The following SEMA3E variants were observed in gnomAD, a reference collection of about 807,000 sequenced individuals.
SEMA3E encodes the protein semaphorin 3E.
Under a neutral mutation model 93.6 loss-of-function variants are expected in SEMA3E, and 49 were observed. That is an observed-to-expected ratio of 0.52 (90% CI 0.42 to 0.66). The LOEUF (loss-of-function observed/expected upper bound fraction) is 0.66. SEMA3E is among the 30% of genes least tolerant of loss of function. The pLI, the probability that SEMA3E is intolerant of heterozygous loss-of-function variation, is 0.00. For synonymous variants in SEMA3E, 363 were observed against 330.7 expected, an observed-to-expected ratio of 1.10 and a Z score of -1.06; for missense variants, 906 against 964.8, an observed-to-expected ratio of 0.94 and a Z score of 0.81.
intron 1 of SEMA3E, chr7:83,612,707 G>T (rs1346535495): frequency 6.6e-6 from 1 of 152,018 alleles, no homozygotes; most frequent in Non-Finnish European, 1.5e-5. Flanking sequence ...TGTCACTAGG[G>T]GTGGGTAAAA....
chr7:83,473,202 C>T (rs1789940048), intron 2 of SEMA3E, among the ~76,000 whole-genome samples: 1 of 152,200 alleles, frequency 6.6e-6, no homozygotes, highest in African/African-American at 2.4e-5. Context: ...GCATGGGCCT[C>T]TCAAGATATC....
intron 1 of SEMA3E, among the ~76,000 whole-genome samples, chr7:83,521,380 T>C (rs1473593092): frequency 2.6e-5 from 4 of 152,092 alleles, no homozygotes; most frequent in Non-Finnish European, 4.4e-5. Context: ...AAATTACATA[T>C]AGGATGGCTC....
chr7:83,432,034 G>A (rs541052260), intron 4 of SEMA3E, among the ~76,000 whole-genome samples: 1 of 151,334 alleles, frequency 6.6e-6, no homozygotes, highest in South Asian at 2.1e-4. Flanking sequence ...GCCATGTGTA[G>A]GTTTTCTAAT....
rs943493232 is a variant in SEMA3E at position 83,421,176 on chromosome 7, ATATT to A, written c.457-2697_457-2694del. ...CAAAATGTACTCTCAATAATTTGGA[ATATT>A]TATTTTCAATTTTATTCTTCATCAC... is the stretch of plus-strand genomic sequence containing the variant. On this transcript the variant is annotated intron_variant, in intron 4 of 16. Coordinates refer to ENST00000643230, the MANE Select transcript of SEMA3E (RefSeq NM_012431.3). 4.9e-5 allele frequency among the ~76,000 whole-genome samples: 7 copies of A among 142,538 alleles called. 1 individual carries two copies. Among genetic ancestry groups the A allele is most frequent in the Non-Finnish European group, 1.1e-4 (7 of 62,710 alleles). 93.5% of individuals were successfully genotyped at this position (142,538 alleles called of 152,430 possible).
In SEMA3E at chr7:83,368,185, A is replaced by T. The variant is rs945616455; in HGVS notation, c.1876-147T>A. ...AATCATACATACACAAAAATGCTAAATAATTACATCTCTCTCTCTCTCTCT... is the reference window on the plus strand; with the variant it reads ...AATCATACATACACAAAAATGCTAATTAATTACATCTCTCTCTCTCTCTCT... On this transcript the variant is annotated intron_variant, in intron 16 of 16. Transcript: ENST00000643230. 8 of 676,268 alleles carry T rather than the reference A, an allele frequency of 1.2e-5. No homozygotes were observed. The African/African-American group carries it at 1.6e-4, about 14-fold the overall frequency. 41.9% of individuals were successfully genotyped at this position (676,268 alleles called of 1,614,324 possible). A position where few individuals can be genotyped will look rare whatever the true frequency, so the allele number is the denominator to read the frequency against.
At chr7:83,419,464 G>A (rs1788629734) in intron 4 of SEMA3E, among the ~76,000 whole-genome samples, 1 of 152,024 alleles carries the variant, frequency 6.6e-6, no homozygotes, top group African/African-American at 2.4e-5. Flanking sequence ...GGGATTGCAG[G>A]GTCAAATGGT....
intron 1 of SEMA3E, among the ~76,000 whole-genome samples, chr7:83,616,253 T>G (rs916093892): frequency 1.3e-5 from 2 of 152,174 alleles, no homozygotes; most frequent in Non-Finnish European, 2.9e-5. Flanking sequence ...TAGAAATATT[T>G]GGATTATTAC....
chr7:83,408,953 G>C (rs1054197118), intron 5 of SEMA3E, among the ~76,000 whole-genome samples: 14 of 152,112 alleles, frequency 9.2e-5, no homozygotes, highest in African/African-American at 3.4e-4. Flanking sequence ...CTTGTAACAA[G>C]ATACTGCTAT....
At chr7:83,561,302 G>A (rs1174951730) in intron 1 of SEMA3E, among the ~76,000 whole-genome samples, 1 of 152,042 alleles carries the variant, frequency 6.6e-6, no homozygotes, top group Non-Finnish European at 1.5e-5. Flanking sequence ...GTTTATTCAA[G>A]TAAAAAATTA....
intron 4 of SEMA3E, among the ~76,000 whole-genome samples, chr7:83,424,224 T>C (rs1056686231): frequency 1.3e-5 from 2 of 152,180 alleles, no homozygotes; most frequent in African/African-American, 4.8e-5. Flanking sequence ...TTGAAGAATA[T>C]TGTAATGTGT....
At chr7:83,554,994 A>AAATAAATTAAATAAATAAATGAATG (rs1554337680) in intron 1 of SEMA3E, among the ~76,000 whole-genome samples, 12 of 148,258 alleles carry the variant, frequency 8.1e-5, no homozygotes, top group Admixed American at 2.7e-4. Flanking sequence ...ATAAATAAAT[A>AAATAAATTAAATAAATAAATGAATG]AATAAAAATG....
chr7:83,614,330 A>G (rs1488537368), intron 1 of SEMA3E, among the ~76,000 whole-genome samples: 1 of 152,130 alleles, frequency 6.6e-6, no homozygotes, highest in African/African-American at 2.4e-5. Flanking sequence ...TTCCCGTTCA[A>G]ATATAACAGA....
At chr7:83,464,929 G>A (rs1789718101) in intron 4 of SEMA3E, among the ~76,000 whole-genome samples, 1 of 151,186 alleles carries the variant, frequency 6.6e-6, no homozygotes, top group Non-Finnish European at 1.5e-5. Context: ...AATATAAGAA[G>A]GCAGGAATGT....
intron 4 of SEMA3E, among the ~76,000 whole-genome samples, chr7:83,465,519 A>G (rs1184675471): frequency 6.6e-6 from 1 of 152,228 alleles, no homozygotes; most frequent in East Asian, 1.9e-4. Context: ...TAATATAAGG[A>G]ATATCAGAAA....
chr7:83,389,981 ACG>A (rs1491198953), intron 14 of SEMA3E, among the ~76,000 whole-genome samples: 1 of 112,290 alleles, frequency 8.9e-6, no homozygotes, highest in South Asian at 3.9e-4. Context: ...ACACATATAT[ACG>A]CGTATATGTG....
chr7:83,413,396 C>T (rs576714622), intron 5 of SEMA3E, among the ~76,000 whole-genome samples: 10 of 152,302 alleles, frequency 6.6e-5, no homozygotes, highest in Non-Finnish European at 1.0e-4. Flanking sequence ...ATATTTGCCT[C>T]ATGGAACAGC....
intron 1 of SEMA3E, among the ~76,000 whole-genome samples, chr7:83,517,044 C>T (rs1790943660): frequency 6.6e-6 from 1 of 151,870 alleles, no homozygotes; most frequent in Non-Finnish European, 1.5e-5. Context: ...ATACAATCTA[C>T]CCTTGTGACT....
At chr7:83,558,275 C>T (rs1791961360) in intron 1 of SEMA3E, among the ~76,000 whole-genome samples, 33 of 152,020 alleles carry the variant, frequency 2.2e-4, no homozygotes, top group Admixed American at 2.2e-3. Flanking sequence ...TTGCTGTGAG[C>T]AATGATTCAA....
rs376259751 is a variant in SEMA3E, at chr7:83,561,228, G to A, written c.116-70954C>T. Among the ~76,000 whole-genome samples the A allele has an allele frequency of 5.9e-5, 9 of 152,074 alleles. No individual in the cohort carries two copies. The South Asian group carries it at 1.5e-3, about 25-fold the overall frequency. On this transcript the variant is annotated intron_variant, in intron 1 of 16. Transcript: ENST00000643230. ...TTTTCAACATGAAGGATATGAAAAC[G>A]CACCTTGATCTCTATAATCATCTGT... is the stretch of plus-strand genomic sequence containing the variant.
Sources: gnomAD v4.1 joint callset for allele counts (sites outside exome capture counted in the v4.1 genomes callset) on GRCh38, gnomAD v4.1.1 for gene constraint, MANE v1.5 for transcripts, NCBI Gene and HGNC (gene_info 2026-07-23, HGNC 2026-07-21) for gene names.